Variants in TRIM5 observed in about 807,000 individuals in gnomAD.
The protein encoded by TRIM5 is tripartite motif-containing protein 5.
TRIM5 carries 31 observed loss-of-function variants against 35.6 expected under a neutral mutation model. The ratio of observed to expected loss-of-function variants is 0.87; its 90% confidence interval spans 0.65 to 1.18. The LOEUF is 1.18. Among genes scored for constraint, TRIM5 ranks in the 50% most tolerant of loss-of-function variants. The pLI is 0.00. For missense variants in TRIM5, 609 were observed against 591.6 expected, an observed-to-expected ratio of 1.03 and a Z score of -0.31; for synonymous variants, 243 against 215.6, an observed-to-expected ratio of 1.13 and a Z score of -1.11.
the TRIM5 span, chr11:5,611,370 A>G: frequency 6.5e-7 from 1 of 1,543,578 alleles, no homozygotes; most frequent in South Asian, 1.1e-5. Flanking sequence ...CCCACTTCTG[A>G]TAAGTACCCT....
the TRIM5 span, among the ~76,000 whole-genome samples, chr11:5,630,356 C>A: frequency 6.6e-6 from 1 of 152,116 alleles, no homozygotes; most frequent in Non-Finnish European, 1.5e-5. Flanking sequence ...CTACTTCCCA[C>A]CCTCATCTGC....
the TRIM5 span, among the ~76,000 whole-genome samples, chr11:5,600,513 G>T: frequency 6.6e-6 from 1 of 152,120 alleles, no homozygotes; most frequent in Non-Finnish European, 1.5e-5. Flanking sequence ...CCGCTAGGAG[G>T]CTTATGCTTA....
the TRIM5 span, chr11:5,604,737 G>T: frequency 5.4e-5 from 65 of 1,207,324 alleles, 1 homozygote; most frequent in Admixed American, 2.7e-5. Context: ...GCCATGACTA[G>T]AAGAGCTTCC....
chr11:5,673,371 A>C, intron 4 of TRIM5, among the ~76,000 whole-genome samples: 1 of 152,182 alleles, frequency 6.6e-6, no homozygotes, highest in East Asian at 1.9e-4. Context: ...CAATATGTCA[A>C]GAAGAAATAA....
At chr11:5,613,641 A>G in the TRIM5 span, among the ~76,000 whole-genome samples, 2 of 152,184 alleles carry the variant, frequency 1.3e-5, no homozygotes, top group African/African-American at 2.4e-5. Context: ...TTATTTTCCC[A>G]TATAATAAGT....
chr11:5,669,824 C>A, intron 4 of TRIM5: 1 of 169,928 alleles, frequency 5.9e-6, no homozygotes, highest in Non-Finnish European at 1.3e-5. Flanking sequence ...CTGGTGAAAT[C>A]CCGTCTCTTC....
the TRIM5 span, among the ~76,000 whole-genome samples, chr11:5,614,180 G>T: frequency 3.3e-5 from 5 of 152,230 alleles, no homozygotes; most frequent in African/African-American, 1.2e-4. Flanking sequence ...AATACATAAT[G>T]GATCAAATAC....
chr11:5,638,552 T>G, the TRIM5 span, among the ~76,000 whole-genome samples: 1 of 152,062 alleles, frequency 6.6e-6, no homozygotes, highest in South Asian at 2.1e-4. Flanking sequence ...TAACCCACAG[T>G]GGTGATGATG....
At chr11:5,670,635 T>G (rs1165625798) in intron 4 of TRIM5, among the ~76,000 whole-genome samples, 1 of 152,154 alleles carries the variant, frequency 6.6e-6, no homozygotes, top group South Asian at 2.1e-4. Flanking sequence ...TGTAGCAGAT[T>G]TTTAAACAGC....
rs1288390448 is a variant in TRIM5 at position 5,664,662 on chromosome 11, C to T, written c.*147G>A. ...ACAATATGGCACAAGGCAATTATTA[C>T]ATTTTACTGATGAGTGAAGGACGTT... is the stretch of plus-strand genomic sequence containing the variant. On this transcript the variant is annotated 3_prime_UTR_variant, in exon 8 of 8. Transcript: ENST00000380034. The T allele has an allele frequency of 5.0e-6, 7 of 1,401,986 alleles. No homozygotes were observed. In the African/African-American group the frequency reaches 1.0e-4, roughly 20 times the overall value. The allele number at this position is 1,401,986 out of a possible 1,614,324, so 86.8% of individuals were successfully genotyped here. A position where few individuals can be genotyped will look rare whatever the true frequency, so the allele number is the denominator to read the frequency against.
the TRIM5 span, chr11:5,655,554 T>A: frequency 2.4e-6 from 2 of 826,736 alleles, no homozygotes; most frequent in Non-Finnish European, 2.9e-6. Flanking sequence ...AAAATATGTA[T>A]TATTTCAGTA....
the TRIM5 span, chr11:5,605,315 T>C: frequency 1.2e-6 from 2 of 1,613,674 alleles, no homozygotes; most frequent in Admixed American, 1.7e-5. Context: ...TAGCAGCCTC[T>C]TTTTCTTCCC....
the TRIM5 span, chr11:5,595,986 A>T: frequency 6.6e-6 from 1 of 152,650 alleles, no homozygotes; most frequent in South Asian, 2.1e-4. Flanking sequence ...TGGCCTCAGA[A>T]ACCATCTCCA....
At chr11:5,597,444 G>C in the TRIM5 span, among the ~76,000 whole-genome samples, 1 of 152,152 alleles carries the variant, frequency 6.6e-6, no homozygotes, top group Non-Finnish European at 1.5e-5. Context: ...TAAATTTTTT[G>C]TTTTGAAACT....
At chr11:5,604,693 G>A in the TRIM5 span, 17 of 1,540,080 alleles carry the variant, frequency 1.1e-5, 1 homozygote, top group South Asian at 1.9e-4. Context: ...AGGAGCTGAG[G>A]GCAAAGGAGT....
chr11:5,645,042 G>C, the TRIM5 span, among the ~76,000 whole-genome samples: 1 of 152,010 alleles, frequency 6.6e-6, no homozygotes, highest in Non-Finnish European at 1.5e-5. Context: ...GATTATATTT[G>C]ACAAAAAAAA....
chr11:5,671,653 TAAG>T (rs1183501673), intron 4 of TRIM5, among the ~76,000 whole-genome samples: 2 of 151,882 alleles, frequency 1.3e-5, no homozygotes, highest in East Asian at 1.9e-4. Flanking sequence ...AAAAAAGACT[TAAG>T]AAATAAAAAG....
At chr11:5,606,968 C>G in the TRIM5 span, among the ~76,000 whole-genome samples, 1 of 152,206 alleles carries the variant, frequency 6.6e-6, no homozygotes, top group South Asian at 2.1e-4. Flanking sequence ...CTTTGGGAGG[C>G]CGAGGCAGGC....
chr11:5,642,458 A>T, the TRIM5 span: 2,878 of 1,613,886 alleles, frequency 1.8e-3, 31 homozygotes, highest in African/African-American at 0.026. Context: ...GAAACTGAAG[A>T]CTGTATTCCA....
Sources: gnomAD v4.1 joint callset for allele counts (sites outside exome capture counted in the v4.1 genomes callset) on GRCh38, gnomAD v4.1.1 for gene constraint, MANE v1.5 for transcripts, NCBI Gene and HGNC (gene_info 2026-07-23, HGNC 2026-07-21) for gene names.